ARMC9: variants seen among roughly 807,000 people sequenced by gnomAD.
The protein encoded by ARMC9 is armadillo repeat containing 9.
ARMC9 carries 94 observed loss-of-function variants against 107.0 expected under a neutral mutation model. That is an observed-to-expected ratio of 0.88 (90% CI 0.74 to 1.04). ARMC9 has a LOEUF of 1.04. Among genes scored for constraint, ARMC9 ranks in the 50% least tolerant of loss-of-function variants. ARMC9 has a pLI of 0.00. For synonymous variants in ARMC9, 380 were observed against 396.9 expected (o/e 0.96, Z 0.51); for missense variants, 942 against 1,030.1 (o/e 0.91, Z 1.17).
At chr2:231,313,701 T>A (rs2042488107) in intron 19 of ARMC9, among the ~76,000 whole-genome samples, 1 of 152,118 alleles carries the variant, frequency 6.6e-6, no homozygotes, top group African/African-American at 2.4e-5. Flanking sequence ...TCTCTAGATA[T>A]TTGCCTTTTC....
intron 8 of ARMC9, 103 bp from the exon 9 acceptor site, chr2:231,239,840 A>T: frequency 1.1e-6 from 1 of 920,420 alleles, no homozygotes; most frequent in Non-Finnish European, 1.7e-6. Flanking sequence ...ATCATGCCTT[A>T]CAGAAAGCTG....
rs779370192 is a variant in ARMC9, at chr2:231,291,407, C to T, written c.1681C>T (p.Arg561Cys). Reference sequence around the variant, plus strand: ...CAAAGAAGGCAATGCTGAAATGATCCGCCAGATAGAATTCATCATCAAGCA... The same window carrying T: ...CAAAGAAGGCAATGCTGAAATGATCTGCCAGATAGAATTCATCATCAAGCA... ...FIKEGNAEMI[R>C]QIEFIIKQLN... The change falls in exon 18 of 25, where the codon CGC (arginine) becomes TGC (cysteine). Residue 561 changes from arginine (R) to cysteine (C), a missense_variant. By Grantham distance (180) the Arg-to-Cys change is radical (BLOSUM62 -3). Coordinates refer to ENST00000611582, the MANE Select transcript of ARMC9 (RefSeq NM_001352754.2). 21 of 1,613,602 alleles carry T rather than the reference C, an allele frequency of 1.3e-5. No individual in the cohort carries two copies. Among genetic ancestry groups the T allele is most frequent in the Middle Eastern group, 1.6e-4 (1 of 6,084 alleles).
At chr2:231,319,807 G>A (rs924474100) in intron 19 of ARMC9, among the ~76,000 whole-genome samples, 4 of 152,214 alleles carry the variant, frequency 2.6e-5, no homozygotes, top group African/African-American at 4.8e-5. Context: ...TGGACCACAC[G>A]GGGACATGAT....
At chr2:231,356,076 C>A (rs1275660705) in intron 22 of ARMC9, 142 bp downstream of exon 22, 1 of 1,154,420 alleles carries the variant, frequency 8.7e-7, no homozygotes, top group Non-Finnish European at 1.2e-6. Context: ...CACAGAGGCT[C>A]ACGGGATTCC....
rs1345032733 is a variant in ARMC9 at position 231,206,362 on chromosome 2, CTATT to C, written c.51+76_51+79del. The C allele has an allele frequency of 6.6e-5, 79 of 1,195,544 alleles. No homozygotes were observed. The Middle Eastern group carries it at 4.3e-3, about 65-fold the overall frequency. 74.1% of individuals were successfully genotyped at this position (1,195,544 alleles called of 1,614,324 possible). A position where few individuals can be genotyped will look rare whatever the true frequency, so the allele number is the denominator to read the frequency against. ...AACTTGTGTTTTAAAATGCAACAAACTATTTAGTGCCTTGTAATGTTTCTTCTAT... is the reference window on the plus strand; with the variant it reads ...AACTTGTGTTTTAAAATGCAACAAACTAGTGCCTTGTAATGTTTCTTCTAT... On this transcript the variant is annotated intron_variant, in intron 2 of 24. Transcript: ENST00000611582.
At chr2:231,276,593 G>C (rs763530680) in intron 14 of ARMC9, 43 bp from the exon 15 acceptor site, 9 of 1,612,610 alleles carry the variant, frequency 5.6e-6, no homozygotes, top group East Asian at 4.5e-5. Flanking sequence ...TATATGAAAA[G>C]TTTCTTGGCA....
intron 20 of ARMC9, among the ~76,000 whole-genome samples, chr2:231,332,247 C>G (rs2043792932): frequency 6.6e-6 from 1 of 152,174 alleles, no homozygotes; most frequent in Admixed American, 6.5e-5. Context: ...CTGAGGTAGA[C>G]TTGGAAGTCC....
chr2:231,327,693 C>G (rs1034127982), intron 19 of ARMC9, among the ~76,000 whole-genome samples: 1 of 152,154 alleles, frequency 6.6e-6, no homozygotes, highest in African/African-American at 2.4e-5. Context: ...GATAAATGCC[C>G]AGGAGTATAA....
In ARMC9 at chr2:231,208,272, T is replaced by C; in HGVS notation, c.177+20T>C. 1 of 1,579,778 alleles carries C rather than the reference T, an allele frequency of 6.3e-7. No individual in the cohort carries two copies. Among genetic ancestry groups the C allele is most frequent in the African/African-American group, 1.3e-5 (1 of 74,150 alleles). ...ATTCAGGTAACATTTTGCTTATTTT[T>C]CATCCCTGTAGATAATTCAGGATGC... On this transcript the variant is annotated intron_variant, in intron 3 of 24. Coordinates refer to ENST00000611582, the MANE Select transcript of ARMC9 (RefSeq NM_001352754.2).
At chr2:231,361,460 T>TAAAAAAAAAAAAAAAAAAAAAAAAACA (rs567342793) in intron 23 of ARMC9, among the ~76,000 whole-genome samples, 3 of 87,504 alleles carry the variant, frequency 3.4e-5, no homozygotes, top group African/African-American at 8.6e-5. Context: ...ATCAAAAAAC[T>TAAAAAAAAAAAAAAAAAAAAAAAAACA]AAAAAAAAAA....
At chr2:231,204,165 CTCTG>C (rs2031577963) in intron 1 of ARMC9, among the ~76,000 whole-genome samples, 1 of 122,676 alleles carries the variant, frequency 8.2e-6, no homozygotes, top group Non-Finnish European at 1.6e-5. Context: ...CAGAGGGAAA[CTCTG>C]TCTCAGGAAA....
intron 17 of ARMC9, among the ~76,000 whole-genome samples, chr2:231,283,645 G>T (rs2040378492): frequency 6.6e-6 from 1 of 152,088 alleles, no homozygotes; most frequent in Non-Finnish European, 1.5e-5. Context: ...GGCCAGGCTG[G>T]TCTCAAGCTC....
intron 19 of ARMC9, among the ~76,000 whole-genome samples, chr2:231,328,153 T>C (rs2043460556): frequency 6.6e-6 from 1 of 152,230 alleles, no homozygotes; most frequent in Admixed American, 6.5e-5. Context: ...CCTTAATGGC[T>C]AATGATATTG....
intron 19 of ARMC9, among the ~76,000 whole-genome samples, chr2:231,324,837 G>A (rs2043223843): frequency 1.3e-5 from 2 of 152,120 alleles, no homozygotes; most frequent in South Asian, 4.2e-4. Context: ...GCTATTCAGA[G>A]GCTGAGGCAG....
chr2:231,302,740 C>T (rs1177369909), intron 19 of ARMC9, among the ~76,000 whole-genome samples: 2 of 152,188 alleles, frequency 1.3e-5, no homozygotes, highest in African/African-American at 4.8e-5. Flanking sequence ...CAGTGGCTCA[C>T]GCCTGTAATC....
At chr2:231,220,199 G>A (rs2033967951) in intron 5 of ARMC9, among the ~76,000 whole-genome samples, 1 of 151,936 alleles carries the variant, frequency 6.6e-6, no homozygotes, top group Non-Finnish European at 1.5e-5. Flanking sequence ...TGTAATTTCA[G>A]TTAACTCTTT....
intron 20 of ARMC9, among the ~76,000 whole-genome samples, chr2:231,336,537 C>T (rs969750639): frequency 6.6e-5 from 10 of 152,186 alleles, no homozygotes; most frequent in Non-Finnish European, 1.3e-4. Flanking sequence ...AGCTGCGACC[C>T]GTGTGACATA....
intron 1 of ARMC9, among the ~76,000 whole-genome samples, chr2:231,202,181 G>A (rs904617830): frequency 6.6e-6 from 1 of 151,454 alleles, no homozygotes; most frequent in Admixed American, 6.6e-5. Flanking sequence ...TGTATTTTTA[G>A]TAGAGATGGG....
At chr2:231,328,610 G>A (rs967001045) in intron 19 of ARMC9, among the ~76,000 whole-genome samples, 1 of 151,754 alleles carries the variant, frequency 6.6e-6, no homozygotes, top group East Asian at 1.9e-4. Flanking sequence ...AATTTCTTTT[G>A]TACCTTAGTC....
Sources: gnomAD v4.1 joint callset for allele counts (sites outside exome capture counted in the v4.1 genomes callset) on GRCh38, gnomAD v4.1.1 for gene constraint, MANE v1.5 for transcripts, NCBI Gene and HGNC (gene_info 2026-07-23, HGNC 2026-07-21) for gene names.